Variants in ZNF570 observed in about 807,000 individuals in gnomAD.
ZNF570 encodes the protein zinc finger protein 570.
ZNF570 carries 8 observed loss-of-function variants against 14.2 expected under a neutral mutation model. That is an observed-to-expected ratio of 0.56 (90% confidence interval 0.33 to 1.02). The LOEUF (loss-of-function observed/expected upper bound fraction) is 1.02. Among genes scored for constraint, ZNF570 ranks in the 50% least tolerant of loss-of-function variants. ZNF570 has a pLI of 0.03. For synonymous variants in ZNF570, 202 were observed against 207.6 expected, an observed-to-expected ratio of 0.97 and a Z score of 0.23; for missense variants, 559 against 624.9, an observed-to-expected ratio of 0.89 and a Z score of 1.12.
rs1344998072 is a variant in ZNF570 at position 37,484,990 on chromosome 19, C to A, written c.1368C>A (p.Ser456=). The change falls in exon 5 of 5, where the codon TCC becomes TCA. Residue 456 remains serine, a synonymous_variant. Coordinates refer to ENST00000330173, the MANE Select transcript of ZNF570 (RefSeq NM_144694.5). ...ECGKAFSNDS[S]LTQHQRVHTG... is the part of the protein sequence containing the mutation. ...GGAAGGCTTTTAGCAATGACTCGTC[C>A]CTTACTCAACATCAGCGAGTTCATA... The A allele has an allele frequency of 6.2e-7, 1 of 1,613,926 alleles. No individual in the cohort carries two copies. Among genetic ancestry groups the A allele is most frequent in the African/African-American group, 1.3e-5 (1 of 74,888 alleles).
chr19:37,477,288 C>CGTGTGTGTGTGTGT (rs71177457), intron 4 of ZNF570, among the ~76,000 whole-genome samples: 9 of 115,430 alleles, frequency 7.8e-5, no homozygotes, highest in African/African-American at 1.7e-4. Context: ...GGGAGGTTGT[C>CGTGTGTGTGTGTGT]GTGTGTGTGT....
At chr19:37,468,085 GTTTGT>G (rs1284222336), upstream of ZNF570, 3,547 of 649,054 alleles carry the variant, frequency 5.5e-3, 85 homozygotes, top group African/African-American at 0.064. Flanking sequence ...TTTTTTTTTT[GTTTGT>G]TTTGTTTTTT....
At chr19:37,471,520 C>T (rs570666322) in intron 2 of ZNF570, among the ~76,000 whole-genome samples, 1 of 152,314 alleles carries the variant, frequency 6.6e-6, no homozygotes, top group South Asian at 2.1e-4. Flanking sequence ...ACTTACTACC[C>T]TGGTGATCTC....
chr19:37,484,422 T>G lies in ZNF570; in HGVS notation c.800T>G (p.Ile267Ser). Residue 267 changes from isoleucine (I) to serine (S), a missense_variant, in exon 5 of 5, where the codon ATT (isoleucine) becomes AGT (serine). Physicochemically the swap from Ile to Ser is moderately radical, Grantham distance 142. Transcript: ENST00000330173. ...TCAAATCTTGTTCAACATCAGAGGA[T>G]TCATACTGGAGAAAAACCCTATGAA... ...QRSNLVQHQR[I>S]HTGEKPYECK... 6.2e-7 allele frequency: 1 copy of G among 1,614,064 alleles called. No homozygotes were observed. Among genetic ancestry groups the G allele is most frequent in the Non-Finnish European group, 8.5e-7 (1 of 1,180,006 alleles).
chr19:37,471,240 C>G (rs1019531359), intron 2 of ZNF570, among the ~76,000 whole-genome samples: 2 of 150,148 alleles, frequency 1.3e-5, no homozygotes, highest in Non-Finnish European at 3.0e-5. Context: ...GTCTCGATCT[C>G]CTGACCTCGT....
rs1039479956 is a variant in ZNF570, at chr19:37,487,520, A to T, written c.*2287A>T. The T allele has an allele frequency of 6.6e-6, 1 of 152,208 alleles. No individual in the cohort carries two copies. Among genetic ancestry groups the T allele is most frequent in the African/African-American group, 2.4e-5 (1 of 41,450 alleles). 9.4% of individuals were successfully genotyped at this position (152,208 alleles called of 1,614,324 possible). A position where few individuals can be genotyped will look rare whatever the true frequency, so the allele number is the denominator to read the frequency against. ...GGAGTAAAATTCCAGAGGTGGAGACATGTAATTAATACTTAAATATAAAAC... is the reference window on the plus strand; with the variant it reads ...GGAGTAAAATTCCAGAGGTGGAGACTTGTAATTAATACTTAAATATAAAAC... On this transcript the variant is annotated 3_prime_UTR_variant, in exon 5 of 5. Coordinates refer to ENST00000330173, the MANE Select transcript of ZNF570 (RefSeq NM_144694.5).
At chr19:37,467,969 G>A, upstream of ZNF570, 2 of 1,534,960 alleles carry the variant, frequency 1.3e-6, no homozygotes, top group Non-Finnish European at 1.7e-6. Flanking sequence ...CCGGGATCGT[G>A]AGCGAAAAGT....
chr19:37,469,078 G>A, upstream of ZNF570: 1 of 1,024,050 alleles, frequency 9.8e-7, no homozygotes, highest in Non-Finnish European at 1.2e-6. Context: ...ACACCAGCCC[G>A]TGTAGTGTGA....
chr19:37,477,317 G>A (rs948391193), intron 4 of ZNF570, among the ~76,000 whole-genome samples: 1 of 150,010 alleles, frequency 6.7e-6, no homozygotes, highest in Non-Finnish European at 1.5e-5. Context: ...GTGTGTGTGT[G>A]TGTGTGTGTG....
chr19:37,482,147 T>C (rs2042094739), intron 4 of ZNF570, among the ~76,000 whole-genome samples: 1 of 152,362 alleles, frequency 6.6e-6, no homozygotes, highest in Non-Finnish European at 1.5e-5. Context: ...ATTGTACGTA[T>C]ATACCACATT....
In ZNF570 at chr19:37,470,323, T is replaced by C; in HGVS notation, c.-32T>C. On this transcript the variant is annotated 5_prime_UTR_variant, in exon 2 of 5. Coordinates refer to ENST00000330173, the MANE Select transcript of ZNF570 (RefSeq NM_144694.5). ...TCTCAGTCATCTGAGGCCACTGCTA[T>C]TTCCCAAGAGAAGAGCCAGGAGGAA... 1 of 1,614,116 alleles carries C rather than the reference T, an allele frequency of 6.2e-7. No individual in the cohort carries two copies. Among genetic ancestry groups the C allele is most frequent in the Non-Finnish European group, 8.5e-7 (1 of 1,179,984 alleles).
chr19:37,478,547 G>GGTTCTCAATGA (rs1423194414), intron 4 of ZNF570, among the ~76,000 whole-genome samples: 4 of 145,642 alleles, frequency 2.7e-5, no homozygotes, highest in Admixed American at 6.8e-5. Context: ...TTATTTTTCT[G>GGTTCTCAATGA]TTGCCTTTGT....
intron 4 of ZNF570, among the ~76,000 whole-genome samples, chr19:37,480,782 G>A (rs568746769): frequency 6.9e-4 from 104 of 151,760 alleles, no homozygotes; most frequent in Non-Finnish European, 1.3e-3. Context: ...GTGAAACCCC[G>A]TCTCTACAAA....
At chr19:37,467,870 C>T, upstream of ZNF570, 2 of 1,536,024 alleles carry the variant, frequency 1.3e-6, no homozygotes, top group Non-Finnish European at 1.7e-6. Flanking sequence ...TGATTCTGAC[C>T]TTGCAGTTTT....
rs1442490296 is a variant in ZNF570 at position 37,484,607 on chromosome 19, C to A, written c.985C>A (p.Pro329Thr). Residue 329 changes from proline (P) to threonine (T), a missense_variant, in exon 5 of 5, where the codon CCC (proline) becomes ACC (threonine). By Grantham distance (38) the Pro-to-Thr change is conservative. Transcript: ENST00000330173. ...TCAGAGAGTTCACACGGGAGAGAAA[C>A]CCTATGAATGTATCGAATGTGGGAA... ...QHQRVHTGEK[P>T]YECIECGKAF... 2 of 1,613,950 alleles carry A rather than the reference C, an allele frequency of 1.2e-6. No individual in the cohort carries two copies. Among genetic ancestry groups the A allele is most frequent in the South Asian group, 1.1e-5 (1 of 91,066 alleles).
At chr19:37,471,370 A>T (rs1328404561) in intron 2 of ZNF570, among the ~76,000 whole-genome samples, 1 of 152,110 alleles carries the variant, frequency 6.6e-6, no homozygotes, top group Admixed American at 6.5e-5. Flanking sequence ...TCTGCCTGGG[A>T]TACTGTTCCC....
At position 37,485,386 on chromosome 19, in the gene ZNF570, T is replaced by A; in HGVS notation, c.*153T>A. On this transcript the variant is annotated 3_prime_UTR_variant, in exon 5 of 5. Coordinates refer to ENST00000330173, the MANE Select transcript of ZNF570 (RefSeq NM_144694.5). ...CTACCTTTAAATCCATTTCCCACAA[T>A]GCACTCAAACGGATCTTTTTTTTCT... is the stretch of plus-strand genomic sequence containing the variant. 1.4e-6 allele frequency: 1 copy of A among 718,198 alleles called. No homozygotes were observed. The highest frequency in any genetic ancestry group is 3.1e-5 in the South Asian group (1 of 32,232). The allele number at this position is 718,198 out of a possible 1,614,324, so 44.5% of individuals were successfully genotyped here.
chr19:37,476,941 C>T (rs1325674946), intron 4 of ZNF570, among the ~76,000 whole-genome samples: 3 of 152,084 alleles, frequency 2.0e-5, no homozygotes, highest in South Asian at 2.1e-4. Flanking sequence ...CCTGACCTCA[C>T]GTGATCTGCC....
chr19:37,469,603 C>A (rs151326594), intron 1 of ZNF570, 46 bp downstream of exon 1: 2 of 1,518,616 alleles, frequency 1.3e-6, no homozygotes, highest in African/African-American at 2.8e-5. Flanking sequence ...TGCCTGTCCA[C>A]GTCCTGTGTG....
Sources: allele counts gnomAD v4.1 joint callset (sites outside exome capture counted in the v4.1 genomes callset), GRCh38; gene constraint gnomAD v4.1.1; transcripts MANE v1.5; gene names NCBI Gene and HGNC (gene_info 2026-07-23, HGNC 2026-07-21).